The following PBK variants were observed in gnomAD, a reference collection of about 807,000 sequenced individuals.
The protein encoded by PBK is PDZ binding kinase.
A neutral mutation model predicts 33.5 loss-of-function variants in PBK; 22 were observed. The ratio of observed to expected loss-of-function variants is 0.66; its 90% CI spans 0.47 to 0.94. PBK has a LOEUF of 0.94. Among genes scored for constraint, PBK ranks in the 40% least tolerant of loss-of-function variants. PBK has a pLI of 0.00. For missense variants in PBK, 376 were observed against 383.4 expected, an observed-to-expected ratio of 0.98 and a Z score of 0.16; for synonymous variants, 129 against 123.8, an observed-to-expected ratio of 1.04 and a Z score of -0.28.
intron 6 of PBK, among the ~76,000 whole-genome samples, chr8:27,815,534 G>A (rs1039307266): frequency 3.3e-5 from 5 of 152,168 alleles, no homozygotes; most frequent in African/African-American, 1.2e-4. Flanking sequence ...CAAGAGAAAA[G>A]CCTATAGACA....
At chr8:27,825,123 A>G (rs528681370) in intron 3 of PBK, among the ~76,000 whole-genome samples, 33 of 152,312 alleles carry the variant, frequency 2.2e-4, no homozygotes, top group East Asian at 5.8e-4. Context: ...CTTAGCCCCA[A>G]TGAACTGCTT....
rs778181131 is a variant in PBK, at chr8:27,810,999, G to A, written c.731C>T (p.Ser244Leu). 1.7e-5 allele frequency: 27 copies of A among 1,611,520 alleles called. No homozygotes were observed. The highest frequency in any genetic ancestry group is 3.3e-5 in the Admixed American group (2 of 59,980). Residue 244 changes from serine to leucine, a missense_variant, in exon 7 of 8, where the codon TCG (serine) becomes TTG (leucine). By Grantham distance (145) the Ser-to-Leu change is moderately radical (BLOSUM62 -2). Transcript: ENST00000301905. ...GLTLWEMMTL[S>L]IPHINLSNDD... ...ATTTGAAAGATTAATGTGTGGAATC[G>A]ATAAAGTCATCATTTCCCACAAAGT...
intron 2 of PBK, among the ~76,000 whole-genome samples, chr8:27,828,744 C>CAAAAAAAAAAAAAAAAAAAAAA (rs34388320): frequency 1.2e-5 from 1 of 82,606 alleles, no homozygotes; most frequent in Non-Finnish European, 2.3e-5. Flanking sequence ...GACACAGTCT[C>CAAAAAAAAAAAAAAAAAAAAAA]AAAAAAAAAA....
chr8:27,833,712 T>TAAA (rs34622248), intron 1 of PBK, among the ~76,000 whole-genome samples: 1 of 149,998 alleles, frequency 6.7e-6, no homozygotes, highest in Non-Finnish European at 1.5e-5. Flanking sequence ...TGCACTTAGC[T>TAAA]AAAAAAAAAA....
At chr8:27,816,898 C>T (rs1385176973) in intron 6 of PBK, among the ~76,000 whole-genome samples, 1 of 151,996 alleles carries the variant, frequency 6.6e-6, no homozygotes, top group Non-Finnish European at 1.5e-5. Context: ...AATTAAACCA[C>T]CCCTTATTGG....
Position 27,812,042 on chromosome 8 carries a change from C to G in PBK, c.596-908G>C, listed in dbSNP as rs559043460. 2.0e-5 allele frequency: 3 copies of G among 152,242 alleles called. No homozygotes were observed. The South Asian group carries it at 6.2e-4, about 32-fold the overall frequency. The allele number at this position is 152,242 out of a possible 1,614,324, so 9.4% of individuals were successfully genotyped here. ...TATCAACTGCAAACGGGGACAGTTT[C>G]GTCTCCTTTCCAATTTTGCCTTCTC... is the stretch of plus-strand genomic sequence containing the variant. On this transcript the variant is annotated intron_variant, in intron 6 of 7. Transcript: ENST00000301905.
intron 2 of PBK, among the ~76,000 whole-genome samples, chr8:27,828,480 AGG>A (rs1290139725): frequency 6.6e-6 from 1 of 152,166 alleles, no homozygotes; most frequent in Admixed American, 6.5e-5. Flanking sequence ...TAAAAGATAA[AGG>A]GGTTGGATGT....
At chr8:27,824,382 G>A (rs1476552952) in intron 3 of PBK, among the ~76,000 whole-genome samples, 1 of 151,706 alleles carries the variant, frequency 6.6e-6, no homozygotes, top group Non-Finnish European at 1.5e-5. Context: ...CATGCAAAAA[G>A]CTGGTTCATT....
At chr8:27,819,844 TTAA>T (rs1233755323) in intron 6 of PBK, among the ~76,000 whole-genome samples, 2 of 152,186 alleles carry the variant, frequency 1.3e-5, no homozygotes, top group Non-Finnish European at 2.9e-5. Flanking sequence ...TCTATTTTTA[TTAA>T]TGATTACAGA....
intron 4 of PBK, 111 bp from the exon 5 acceptor site, chr8:27,822,599 A>G: frequency 3.1e-6 from 2 of 641,140 alleles, no homozygotes; most frequent in Non-Finnish European, 2.5e-6. Flanking sequence ...TGACAAATAT[A>G]CAATGAAACA....
In PBK at chr8:27,811,024, T is replaced by G. The variant is rs971738492; in HGVS notation, c.706A>C (p.Thr236Pro). Reference protein sequence around the residue: ...DKADIFAFGLTLWEMMTLSIP... With the variant: ...DKADIFAFGLPLWEMMTLSIP... ...GATAAAGTCATCATTTCCCACAAAG[T>G]AAGGCCAAAGGCAAATATGTCTGCC... The change falls in exon 7 of 8, where the codon ACT becomes CCT. Residue 236 changes from threonine (T) to proline (P), a missense_variant. Thr to Pro is a conservative substitution (Grantham distance 38). Transcript: ENST00000301905. The G allele has an allele frequency of 1.9e-6, 3 of 1,613,156 alleles. No individual in the cohort carries two copies.
chr8:27,825,242 C>A (rs1806003947), intron 3 of PBK, among the ~76,000 whole-genome samples: 2 of 152,176 alleles, frequency 1.3e-5, no homozygotes, highest in South Asian at 4.2e-4. Context: ...GAGTTTGAGA[C>A]CAGCCTGGGC....
At chr8:27,832,168 A>G (rs897192934) in intron 2 of PBK, among the ~76,000 whole-genome samples, 3 of 152,174 alleles carry the variant, frequency 2.0e-5, no homozygotes, top group Non-Finnish European at 4.4e-5. Flanking sequence ...TCAGTTTAAC[A>G]CTTGAAAATT....
intron 1 of PBK, among the ~76,000 whole-genome samples, chr8:27,834,273 C>T (rs903733722): frequency 4.6e-5 from 7 of 152,078 alleles, no homozygotes; most frequent in African/African-American, 1.4e-4. Context: ...TGATAATGCC[C>T]GCCTGGGCCT....
At chr8:27,821,190 C>CAGA (rs1423459318) in intron 5 of PBK, among the ~76,000 whole-genome samples, 1 of 151,948 alleles carries the variant, frequency 6.6e-6, no homozygotes, top group East Asian at 1.9e-4. Context: ...CCATACTGAC[C>CAGA]AGAAGTCTAA....
At chr8:27,821,035 G>A (rs1805917838) in intron 5 of PBK, among the ~76,000 whole-genome samples, 2 of 151,754 alleles carry the variant, frequency 1.3e-5, no homozygotes, top group South Asian at 2.1e-4. Flanking sequence ...TGTTGACCAG[G>A]CTGGTCTGTC....
At chr8:27,821,560 A>G (rs1805929616) in intron 5 of PBK, among the ~76,000 whole-genome samples, 1 of 152,140 alleles carries the variant, frequency 6.6e-6, no homozygotes, top group Non-Finnish European at 1.5e-5. Context: ...ACACCCAGCC[A>G]AGTTAACTAT....
In PBK at chr8:27,826,856, T is replaced by C. The variant is rs999573743; in HGVS notation, c.152+1249A>G. Reference sequence around the variant, plus strand: ...AGCTTTTTGACTAAACCACATACAGTGTAACTTTGTTAAAAACACTTTACA... The same window carrying C: ...AGCTTTTTGACTAAACCACATACAGCGTAACTTTGTTAAAAACACTTTACA... On this transcript the variant is annotated intron_variant, in intron 3 of 7. Coordinates refer to ENST00000301905, the MANE Select transcript of PBK (RefSeq NM_018492.4). Among the ~76,000 whole-genome samples the C allele has an allele frequency of 2.0e-5, 3 of 150,400 alleles. 1 individual carries two copies. Among genetic ancestry groups the C allele is most frequent in the Middle Eastern group, 6.4e-3 (2 of 312 alleles).
intron 6 of PBK, chr8:27,811,387 A>C: frequency 3.5e-6 from 2 of 567,806 alleles, no homozygotes; most frequent in Non-Finnish European, 3.1e-6. Flanking sequence ...GGAATATAGA[A>C]TGTGGATGTT....
Sources: allele counts gnomAD v4.1 joint callset (sites outside exome capture counted in the v4.1 genomes callset), GRCh38; gene constraint gnomAD v4.1.1; transcripts MANE v1.5; gene names NCBI Gene and HGNC (gene_info 2026-07-23, HGNC 2026-07-21).